The following ABHD17B variants were observed in gnomAD, a reference collection of about 807,000 sequenced individuals.
ABHD17B encodes alpha/beta hydrolase domain-containing protein 17B.
A neutral mutation model predicts 26.2 loss-of-function variants in ABHD17B; 9 were observed. That is an observed-to-expected ratio of 0.34 (90% CI 0.21 to 0.60). ABHD17B has a LOEUF of 0.60. Among genes scored for constraint, ABHD17B ranks in the 20% least tolerant of loss-of-function variants. ABHD17B has a pLI of 0.80. For synonymous variants in ABHD17B, 127 were observed against 122.3 expected (o/e 1.04, Z -0.25); for missense variants, 224 against 352.1 (o/e 0.64, Z 2.91).
chr9:71,885,490 ATGT>A (rs911322410), intron 1 of ABHD17B, among the ~76,000 whole-genome samples: 2 of 151,480 alleles, frequency 1.3e-5, no homozygotes, highest in African/African-American at 4.8e-5. Flanking sequence ...GGTCACCTCA[ATGT>A]TAAACAGATG....
intron 1 of ABHD17B, among the ~76,000 whole-genome samples, chr9:71,882,421 G>C (rs560897491): frequency 6.2e-4 from 94 of 152,346 alleles, no homozygotes; most frequent in African/African-American, 2.1e-3. Flanking sequence ...TACTTTGGGA[G>C]GCCAAGGCGG....
At chr9:71,896,519 G>C (rs1185714267) in intron 1 of ABHD17B, among the ~76,000 whole-genome samples, 1 of 152,062 alleles carries the variant, frequency 6.6e-6, no homozygotes, top group African/African-American at 2.4e-5. Context: ...AAGGAGGAGG[G>C]TTAGAATTTC....
chr9:71,875,230 C>CT (rs5898234), intron 1 of ABHD17B, 147 bp from the exon 2 acceptor site: 311,920 of 480,456 alleles, frequency 0.65, 73,432 homozygotes, highest in Admixed American at 0.75. Flanking sequence ...TTTTTGGCTT[C>CT]TTTTTTTTTT....
At position 71,865,322 on chromosome 9, in the gene ABHD17B, TA is replaced by T. The variant is rs1825926501; in HGVS notation, c.*1464del. 1.0e-5 allele frequency: 10 copies of T among 985,026 alleles called. No individual in the cohort carries two copies. Among genetic ancestry groups the T allele is most frequent in the African/African-American group, 1.7e-5 (1 of 57,224 alleles). The allele number at this position is 985,026 out of a possible 1,614,324, so 61.0% of individuals were successfully genotyped here. ...CTTAAAATATATCCACAGTGTGTATTATTTCCATATTCATTCATTTACAAAT... is the reference window on the plus strand; with the variant it reads ...CTTAAAATATATCCACAGTGTGTATTTTTCCATATTCATTCATTTACAAAT... On this transcript the variant is annotated 3_prime_UTR_variant, in exon 4 of 4. Coordinates refer to ENST00000333421, the MANE Select transcript of ABHD17B (RefSeq NM_001025780.3).
chr9:71,882,700 G>GTA (rs1025361797), intron 1 of ABHD17B, among the ~76,000 whole-genome samples: 30 of 151,594 alleles, frequency 2.0e-4, no homozygotes, highest in South Asian at 6.2e-4. Context: ...ACAAAAGGTA[G>GTA]TATATATATC....
intron 2 of ABHD17B, 42 bp downstream of exon 2, chr9:71,874,572 A>G: frequency 2.0e-6 from 3 of 1,478,452 alleles, no homozygotes; most frequent in Non-Finnish European, 2.7e-6. Context: ...ATTTTTAGCT[A>G]ACCACCACGA....
intron 1 of ABHD17B, among the ~76,000 whole-genome samples, chr9:71,895,916 T>C (rs1203620076): frequency 6.6e-6 from 1 of 152,178 alleles, no homozygotes; most frequent in East Asian, 1.9e-4. Context: ...ATGCAAAATT[T>C]TGGGACAAAA....
chr9:71,902,822 A>C (rs575237690), intron 1 of ABHD17B, among the ~76,000 whole-genome samples: 32 of 152,348 alleles, frequency 2.1e-4, no homozygotes, highest in Admixed American at 2.0e-3. Flanking sequence ...GGAAAAGTTT[A>C]TTATACGAAT....
chr9:71,878,217 A>G (rs1227914055), intron 1 of ABHD17B, among the ~76,000 whole-genome samples: 1 of 152,200 alleles, frequency 6.6e-6, no homozygotes, highest in Non-Finnish European at 1.5e-5. Flanking sequence ...AACTCATGCC[A>G]GACGCAGTGG....
intron 1 of ABHD17B, among the ~76,000 whole-genome samples, chr9:71,880,505 T>G (rs768033041): frequency 6.6e-6 from 1 of 152,014 alleles, no homozygotes; most frequent in African/African-American, 2.4e-5. Flanking sequence ...TTAATAGATA[T>G]ACAGGGACAA....
chr9:71,883,058 G>A (rs1198679755), intron 1 of ABHD17B, among the ~76,000 whole-genome samples: 9 of 152,020 alleles, frequency 5.9e-5, no homozygotes, highest in South Asian at 2.1e-4. Flanking sequence ...CAGGAGAATC[G>A]TTTGAACCTG....
At position 71,866,087 on chromosome 9, in the gene ABHD17B, C is replaced by T. The variant is rs1263680127; in HGVS notation, c.*700G>A. 7 of 985,412 alleles carry T rather than the reference C, an allele frequency of 7.1e-6. No individual in the cohort carries two copies. Among genetic ancestry groups the T allele is most frequent in the Non-Finnish European group, 8.4e-6 (7 of 829,848 alleles). 61.0% of individuals were successfully genotyped at this position (985,412 alleles called of 1,614,324 possible). On this transcript the variant is annotated 3_prime_UTR_variant, in exon 4 of 4. Transcript: ENST00000333421. Reference sequence around the variant, plus strand: ...ATGAAAATTTTAAGTACTTGCCTCACAGTACCAAACTTAGAAGTCAAAACT... The same window carrying T: ...ATGAAAATTTTAAGTACTTGCCTCATAGTACCAAACTTAGAAGTCAAAACT...
chr9:71,904,306 T>C lies in ABHD17B; in HGVS notation c.-4+6328A>G, dbSNP rs79779111. ...CATCCCCACCCTCCCATTCCCAGAA[T>C]AGTGACTGGTACCCAGTGAACACTG... On this transcript the variant is annotated intron_variant, in intron 1 of 3. Coordinates refer to ENST00000333421, the MANE Select transcript of ABHD17B (RefSeq NM_001025780.3). Among the ~76,000 whole-genome samples the C allele has an allele frequency of 2.0e-5, 3 of 152,222 alleles. No individual in the cohort carries two copies. The East Asian group carries it at 5.8e-4, about 29-fold the overall frequency.
At chr9:71,872,406 G>A (rs1362382268) in intron 2 of ABHD17B, among the ~76,000 whole-genome samples, 3 of 151,998 alleles carry the variant, frequency 2.0e-5, no homozygotes, top group African/African-American at 7.3e-5. Flanking sequence ...ATTGGTAAAT[G>A]CCAAGATTAA....
At chr9:71,875,612 T>C (rs1826250815) in intron 1 of ABHD17B, among the ~76,000 whole-genome samples, 1 of 152,156 alleles carries the variant, frequency 6.6e-6, no homozygotes, top group Non-Finnish European at 1.5e-5. Flanking sequence ...ATATGACAGG[T>C]TTCAAATAGC....
chr9:71,866,600 T>A lies in ABHD17B; in HGVS notation c.*187A>T. The stretch of plus-strand genomic sequence containing the variant: ...TAAATTACACAGCCTGACTGCACGG[T>A]ACTGTTATTTCCAGTTTTTAGTTCT... On this transcript the variant is annotated 3_prime_UTR_variant, in exon 4 of 4. Coordinates refer to ENST00000333421, the MANE Select transcript of ABHD17B (RefSeq NM_001025780.3). 1 of 1,430,046 alleles carries A rather than the reference T, an allele frequency of 7.0e-7. No individual in the cohort carries two copies. Among genetic ancestry groups the A allele is most frequent in the Non-Finnish European group, 9.1e-7 (1 of 1,098,074 alleles). The allele number at this position is 1,430,046 out of a possible 1,614,324, so 88.6% of individuals were successfully genotyped here.
At chr9:71,868,437 T>A (rs559279668) in intron 3 of ABHD17B, among the ~76,000 whole-genome samples, 3 of 152,260 alleles carry the variant, frequency 2.0e-5, no homozygotes, top group East Asian at 1.9e-4. Flanking sequence ...AACACTTTTT[T>A]AAAAGGCAAC....
In ABHD17B at chr9:71,865,549, A is replaced by AACAATAGG. The variant is rs1253880729; in HGVS notation, c.*1230_*1237dup. 1 of 985,192 alleles carries AACAATAGG rather than the reference A, an allele frequency of 1.0e-6. No individual in the cohort carries two copies. Among genetic ancestry groups the AACAATAGG allele is most frequent in the East Asian group, 1.1e-4 (1 of 8,832 alleles). 61.0% of individuals were successfully genotyped at this position (985,192 alleles called of 1,614,324 possible). On this transcript the variant is annotated 3_prime_UTR_variant, in exon 4 of 4. Coordinates refer to ENST00000333421, the MANE Select transcript of ABHD17B (RefSeq NM_001025780.3). ...ATGAAATTCTCAGATAGTAATCCAA[A>AACAATAGG]ACAATAGGTCCTATTTTTAAAAATA... is the stretch of plus-strand genomic sequence containing the variant.
intron 1 of ABHD17B, among the ~76,000 whole-genome samples, chr9:71,889,628 A>C (rs1826720783): frequency 6.6e-6 from 1 of 152,186 alleles, no homozygotes; most frequent in African/African-American, 2.4e-5. Flanking sequence ...AACATGTAAG[A>C]AGTAGTAATA....
Sources: gnomAD v4.1 joint callset for allele counts (sites outside exome capture counted in the v4.1 genomes callset) on GRCh38, gnomAD v4.1.1 for gene constraint, MANE v1.5 for transcripts, NCBI Gene and HGNC (gene_info 2026-07-23, HGNC 2026-07-21) for gene names.